Variants in STON1 observed in about 807,000 individuals in gnomAD.
STON1 encodes the protein stonin 1.
In STON1, 79 loss-of-function variants were observed where a neutral mutation model predicts 60.9. The ratio of observed to expected loss-of-function variants is 1.30; its 90% CI spans 1.08 to 1.56. The LOEUF is 1.56. STON1 is among the 40% of genes most tolerant of loss of function. The pLI, the probability that STON1 is intolerant of heterozygous loss-of-function variation, is 0.00. For missense variants in STON1, 1,166 were observed against 858.9 expected (o/e 1.36, Z -4.47); for synonymous variants, 363 against 306.9 (o/e 1.18, Z -1.91).
intron 1 of STON1, among the ~76,000 whole-genome samples, chr2:48,579,757 G>C (rs1673762213): frequency 6.6e-6 from 1 of 152,126 alleles, no homozygotes; most frequent in Non-Finnish European, 1.5e-5. Flanking sequence ...CAAGTCTATT[G>C]TTTCTTTAGT....
chr2:48,532,092 A>G (rs1330850983), intron 1 of STON1, among the ~76,000 whole-genome samples: 1 of 152,074 alleles, frequency 6.6e-6, no homozygotes, highest in African/African-American at 2.4e-5. Flanking sequence ...TCATGCCTAT[A>G]ATCCCAGCAT....
chr2:48,567,572 C>T (rs1047653535), intron 1 of STON1, among the ~76,000 whole-genome samples: 9 of 152,158 alleles, frequency 5.9e-5, no homozygotes, highest in Admixed American at 2.6e-4. Context: ...CCACCGTGCC[C>T]GGCTAATTTT....
At chr2:48,554,248 GTCTC>G (rs1223101390) in intron 1 of STON1, among the ~76,000 whole-genome samples, 1 of 152,068 alleles carries the variant, frequency 6.6e-6, no homozygotes. Flanking sequence ...TTGAGACAGA[GTCTC>G]TCTTTGTCGC....
intron 2 of STON1, among the ~76,000 whole-genome samples, chr2:48,587,222 C>A (rs1045112678): frequency 6.6e-6 from 1 of 152,226 alleles, no homozygotes; most frequent in South Asian, 2.1e-4. Flanking sequence ...AGGCAGAGAT[C>A]ATTCCTCCCT....
intron 1 of STON1, among the ~76,000 whole-genome samples, chr2:48,537,193 TCTTTAA>T (rs1454040208): frequency 2.6e-5 from 4 of 152,238 alleles, no homozygotes; most frequent in African/African-American, 2.4e-5. Flanking sequence ...CTTCTTACTG[TCTTTAA>T]CTTTAACTGC....
chr2:48,554,540 G>A (rs1221958699), intron 1 of STON1, among the ~76,000 whole-genome samples: 1 of 152,008 alleles, frequency 6.6e-6, no homozygotes, highest in Non-Finnish European at 1.5e-5. Context: ...TCTTTAAATT[G>A]GACTCAGAGT....
At chr2:48,587,352 G>A (rs1243021551) in intron 2 of STON1, among the ~76,000 whole-genome samples, 1 of 152,120 alleles carries the variant, frequency 6.6e-6, no homozygotes, top group African/African-American at 2.4e-5. Context: ...GAGTGCAATG[G>A]CACCATCTTG....
chr2:48,565,797 G>T (rs1459144741), intron 1 of STON1, among the ~76,000 whole-genome samples: 1 of 152,188 alleles, frequency 6.6e-6, no homozygotes, highest in Non-Finnish European at 1.5e-5. Context: ...ATTTACATAT[G>T]AGGTAAAATT....
At chr2:48,564,602 CCTT>C (rs569687954) in intron 1 of STON1, among the ~76,000 whole-genome samples, 2,379 of 57,194 alleles carry the variant, frequency 0.042, 561 homozygotes, top group Middle Eastern at 0.091. Context: ...TCCTCCTCCT[CCTT>C]CTCCTTCTCC....
At chr2:48,588,547 T>C (rs1674338479) in intron 2 of STON1, among the ~76,000 whole-genome samples, 1 of 152,098 alleles carries the variant, frequency 6.6e-6, no homozygotes, top group African/African-American at 2.4e-5. Flanking sequence ...GATGAGGTTT[T>C]GCCGTGTTGC....
At chr2:48,539,118 A>G (rs1412697581) in intron 1 of STON1, among the ~76,000 whole-genome samples, 1 of 151,998 alleles carries the variant, frequency 6.6e-6, no homozygotes, top group African/African-American at 2.4e-5. Context: ...GGGTCTTGCT[A>G]TGTTGACCAG....
chr2:48,542,932 A>G (rs1339023401), intron 1 of STON1, among the ~76,000 whole-genome samples: 1 of 149,870 alleles, frequency 6.7e-6, no homozygotes, highest in Non-Finnish European at 1.5e-5. Flanking sequence ...AATCAGAGAC[A>G]CTTTTGGGGA....
At chr2:48,551,867 C>G (rs929396548) in intron 1 of STON1, among the ~76,000 whole-genome samples, 1 of 152,214 alleles carries the variant, frequency 6.6e-6, no homozygotes, top group Non-Finnish European at 1.5e-5. Flanking sequence ...GCCTAGAGAC[C>G]TGAGGAGACA....
Position 48,598,142 on chromosome 2 carries a change from G to A in STON1, c.*2840G>A, listed in dbSNP as rs1272261323. ...ATGAATTCATGGGTAGATGATTTGT[G>A]CAGATCTGAATTTAAGAACATTTCC... On this transcript the variant is annotated 3_prime_UTR_variant, in exon 4 of 4. Transcript: ENST00000404752. 1 of 152,100 alleles carries A rather than the reference G, an allele frequency of 6.6e-6. No individual in the cohort carries two copies. The highest frequency in any genetic ancestry group is 1.5e-5 in the Non-Finnish European group (1 of 68,028). 9.4% of individuals were successfully genotyped at this position (152,100 alleles called of 1,614,324 possible).
In STON1 at chr2:48,580,688, C is replaced by T. The variant is rs761489574; in HGVS notation, c.55C>T (p.Gln19Ter). The change falls in exon 2 of 4, where the codon CAA (glutamine) becomes TAA (stop). Residue 19 changes from glutamine (Q) to a stop codon, truncating the protein, a stop_gained. Transcript: ENST00000404752. LOFTEE classifies it high-confidence loss of function. ...CACCTTTGATGATGATCCTGCTGTT[C>T]AATCTTCTCAAAAGTCAAAGAATTT... ...WVTFDDDPAV[Q>*]SSQKSKNFPL... The T allele has an allele frequency of 6.9e-7, 1 of 1,448,592 alleles. No homozygotes were observed. The highest frequency in any genetic ancestry group is 9.1e-7 in the Non-Finnish European group (1 of 1,098,366). 89.7% of individuals were successfully genotyped at this position (1,448,592 alleles called of 1,614,324 possible).
chr2:48,561,752 T>C (rs1032505351), intron 1 of STON1, among the ~76,000 whole-genome samples: 3 of 152,176 alleles, frequency 2.0e-5, no homozygotes, highest in South Asian at 2.1e-4. Flanking sequence ...TTGAGACCCA[T>C]TGGTACAGAG....
intron 1 of STON1, among the ~76,000 whole-genome samples, chr2:48,555,182 G>C (rs1388949518): frequency 2.0e-5 from 2 of 100,116 alleles, no homozygotes; most frequent in Admixed American, 9.9e-5. Context: ...CGCCTTTCCC[G>C]CCTTTCTATT....
chr2:48,576,185 CTTTTTTT>C (rs34849002), intron 1 of STON1, among the ~76,000 whole-genome samples: 19 of 63,072 alleles, frequency 3.0e-4, no homozygotes, highest in Admixed American at 1.7e-3. Context: ...GTTTTCCTTT[CTTTTTTT>C]TTTTTTTTTT....
intron 1 of STON1, among the ~76,000 whole-genome samples, chr2:48,566,462 T>C (rs1264730432): frequency 1.3e-5 from 2 of 151,462 alleles, no homozygotes; most frequent in Admixed American, 6.6e-5. Context: ...TTTGTATTTT[T>C]AGTAGAGACG....
Sources: gnomAD v4.1 joint callset for allele counts (sites outside exome capture counted in the v4.1 genomes callset) on GRCh38, gnomAD v4.1.1 for gene constraint, MANE v1.5 for transcripts, NCBI Gene and HGNC (gene_info 2026-07-23, HGNC 2026-07-21) for gene names.